Variants in ST3GAL5 observed in about 807,000 individuals in gnomAD.
The protein encoded by ST3GAL5 is lactosylceramide alpha-2,3-sialyltransferase.
Under a neutral mutation model 46.1 loss-of-function variants are expected in ST3GAL5, and 25 were observed. The observed-to-expected ratio is 0.54, with a 90% confidence interval of 0.40 to 0.76. The LOEUF is 0.76. Ranked by LOEUF, ST3GAL5 falls within the 30% of genes least tolerant of loss-of-function variation. The pLI is 0.00. For synonymous variants in ST3GAL5, 182 were observed against 192.7 expected, an observed-to-expected ratio of 0.94 and a Z score of 0.46; for missense variants, 431 against 521.2, an observed-to-expected ratio of 0.83 and a Z score of 1.69.
chr2:85,887,082 T>TC (rs1376742165), intron 1 of ST3GAL5, among the ~76,000 whole-genome samples: 3 of 152,118 alleles, frequency 2.0e-5, no homozygotes. Context: ...TGGAATGGAC[T>TC]CCCACAGAGG....
At chr2:85,840,683 C>T (rs1405778884) in intron 6 of ST3GAL5, among the ~76,000 whole-genome samples, 3 of 152,066 alleles carry the variant, frequency 2.0e-5, no homozygotes, top group African/African-American at 7.2e-5. Context: ...CGGTGGCTCA[C>T]GCCTGTAATC....
chr2:85,882,816 C>A (rs547975174), intron 1 of ST3GAL5, among the ~76,000 whole-genome samples: 1 of 73,546 alleles, frequency 1.4e-5, no homozygotes. Flanking sequence ...GCCTGTGCAA[C>A]GGAGAGAGAC....
Position 85,840,292 on chromosome 2 carries a change from G to T in ST3GAL5, c.1109C>A (p.Thr370Lys). 6.2e-7 allele frequency: 1 copy of T among 1,614,126 alleles called. No individual in the cohort carries two copies. Residue 370 changes from threonine to lysine, a missense_variant, in exon 7 of 7, where the codon ACA (threonine) becomes AAA (lysine). Thr to Lys is a moderately conservative substitution (Grantham distance 78, BLOSUM62 -1). Coordinates refer to ENST00000638572, the MANE Select transcript of ST3GAL5 (RefSeq NM_003896.4). Reference sequence around the variant, plus strand: ...TTGACTGTCGAAGTAGTGCAAAGGTGTTCTGGGTTGATTGAGGTCATATCC... The same window carrying T: ...TTGACTGTCGAAGTAGTGCAAAGGTTTTCTGGGTTGATTGAGGTCATATCC... Reference protein sequence around the residue: ...GFGYDLNQPRTPLHYFDSQCM... With the variant: ...GFGYDLNQPRKPLHYFDSQCM...
rs1045098339 is a variant in ST3GAL5 at position 85,838,610 on chromosome 2, T to C, written c.*1534A>G. 6.6e-6 allele frequency: 1 copy of C among 152,142 alleles called. No homozygotes were observed. Among genetic ancestry groups the C allele is most frequent in the East Asian group, 1.9e-4 (1 of 5,178 alleles). The allele number at this position is 152,142 out of a possible 1,614,324, so 9.4% of individuals were successfully genotyped here. Reference sequence around the variant, plus strand: ...AAAACGAGAGAAATATGACTTTTGCTCTCCTGGCCACTCTGAGCTGGATCC... The same window carrying C: ...AAAACGAGAGAAATATGACTTTTGCCCTCCTGGCCACTCTGAGCTGGATCC... On this transcript the variant is annotated 3_prime_UTR_variant, in exon 7 of 7. Coordinates refer to ENST00000638572, the MANE Select transcript of ST3GAL5 (RefSeq NM_003896.4).
chr2:85,873,632 A>G (rs1426815476), intron 1 of ST3GAL5, among the ~76,000 whole-genome samples: 2 of 152,092 alleles, frequency 1.3e-5, no homozygotes, highest in African/African-American at 4.8e-5. Context: ...GAGGCCATGA[A>G]GAGGAGAAAA....
At chr2:85,866,459 G>A (rs1014342353) in intron 1 of ST3GAL5, among the ~76,000 whole-genome samples, 1 of 152,188 alleles carries the variant, frequency 6.6e-6, no homozygotes. Context: ...TCTGCCTACT[G>A]GTTCCCAGCT....
chr2:85,851,632 C>T (rs1486249604), intron 3 of ST3GAL5: 1 of 1,289,444 alleles, frequency 7.8e-7, no homozygotes. Flanking sequence ...TGCTCTCTTC[C>T]CCCTCCACTG....
At position 85,851,644 on chromosome 2, in the gene ST3GAL5, T is replaced by C. The variant is rs746152849; in HGVS notation, c.319-3440A>G. 7.0e-6 allele frequency: 9 copies of C among 1,289,454 alleles called. 1 individual carries two copies. The South Asian group carries it at 1.1e-4, about 16-fold the overall frequency. 79.9% of individuals were successfully genotyped at this position (1,289,454 alleles called of 1,614,324 possible). ...AGCTGCTCTCTTCCCCCTCCACTGCTTGCCCATAGCTCACAGCTCAGAAGA... is the reference window on the plus strand; with the variant it reads ...AGCTGCTCTCTTCCCCCTCCACTGCCTGCCCATAGCTCACAGCTCAGAAGA... On this transcript the variant is annotated intron_variant, in intron 3 of 6. Coordinates refer to ENST00000638572, the MANE Select transcript of ST3GAL5 (RefSeq NM_003896.4).
At chr2:85,848,457 C>T (rs1683091545) in intron 3 of ST3GAL5, 11 of 1,424,876 alleles carry the variant, frequency 7.7e-6, no homozygotes, top group Non-Finnish European at 8.6e-6. Flanking sequence ...AAGAAGGACT[C>T]CCGCCTCCCA....
At chr2:85,886,210 T>A (rs1687742430) in intron 1 of ST3GAL5, among the ~76,000 whole-genome samples, 1 of 152,200 alleles carries the variant, frequency 6.6e-6, no homozygotes, top group Non-Finnish European at 1.5e-5. Context: ...GGGAGAATAG[T>A]TTGAGGCTAG....
intron 3 of ST3GAL5, among the ~76,000 whole-genome samples, chr2:85,860,279 C>G (rs1033592766): frequency 1.8e-4 from 28 of 152,198 alleles, no homozygotes; most frequent in Admixed American, 5.2e-4. Flanking sequence ...AAGCCATCAT[C>G]TGTAAGATGG....
intron 1 of ST3GAL5, among the ~76,000 whole-genome samples, chr2:85,874,455 C>T (rs1018840362): frequency 6.6e-6 from 1 of 152,120 alleles, no homozygotes; most frequent in African/African-American, 2.4e-5. Context: ...ACCAAGGGGG[C>T]CTCGTGCTCG....
intron 6 of ST3GAL5, among the ~76,000 whole-genome samples, chr2:85,841,327 T>C (rs548748462): frequency 2.0e-5 from 3 of 150,302 alleles, no homozygotes; most frequent in Admixed American, 1.3e-4. Context: ...TTTGGGCAAG[T>C]AAATTTTGTT....
Position 85,840,205 on chromosome 2 carries a change from A to T in ST3GAL5, c.1196T>A (p.Leu399Ter), listed in dbSNP as rs1461062498. 3.1e-6 allele frequency: 5 copies of T among 1,614,144 alleles called. No individual in the cohort carries two copies. The highest frequency in any genetic ancestry group is 4.2e-6 in the Non-Finnish European group (5 of 1,180,018). ...HNVTTETKFLLKLVKEGVVKD... is the reference protein window; with the variant it reads ...HNVTTETKFL ...CACCACTCCCTCTTTGACCAGCTTT[A>T]AGAGGAACTTGGTTTCCGTTGTCAC... Residue 399 changes from leucine to a stop codon, truncating the protein, a stop_gained, in exon 7 of 7, where the codon TTA (leucine) becomes TAA (stop). Coordinates refer to ENST00000638572, the MANE Select transcript of ST3GAL5 (RefSeq NM_003896.4). LOFTEE classifies it high-confidence loss of function.
At chr2:85,880,511 C>T (rs149727794) in intron 1 of ST3GAL5, among the ~76,000 whole-genome samples, 141 of 152,224 alleles carry the variant, frequency 9.3e-4, no homozygotes, top group African/African-American at 3.2e-3. Context: ...AAGAAACACA[C>T]GCACTGTCCC....
chr2:85,857,202 G>C (rs566561250), intron 3 of ST3GAL5, among the ~76,000 whole-genome samples: 7 of 151,642 alleles, frequency 4.6e-5, no homozygotes, highest in Admixed American at 3.9e-4. Context: ...CAATGATCGG[G>C]CCACTGCACT....
chr2:85,857,209 C>A (rs1035610054), intron 3 of ST3GAL5, among the ~76,000 whole-genome samples: 3 of 151,556 alleles, frequency 2.0e-5, no homozygotes, highest in Non-Finnish European at 4.4e-5. Context: ...CGGGCCACTG[C>A]ACTTCAGCCT....
In ST3GAL5 at chr2:85,839,999, T is replaced by C; in HGVS notation, c.*145A>G. On this transcript the variant is annotated 3_prime_UTR_variant, in exon 7 of 7. Transcript: ENST00000638572. ...ATAGGAAAAAAAAAGTGGGAAGAGCTAAAATTTTTTTTGTGTTTTTAAATT... is the reference window on the plus strand; with the variant it reads ...ATAGGAAAAAAAAAGTGGGAAGAGCCAAAATTTTTTTTGTGTTTTTAAATT... 2 of 1,305,204 alleles carry C rather than the reference T, an allele frequency of 1.5e-6. No homozygotes were observed. Among genetic ancestry groups the C allele is most frequent in the Non-Finnish European group, 2.1e-6 (2 of 953,132 alleles). The allele number at this position is 1,305,204 out of a possible 1,614,324, so 80.9% of individuals were successfully genotyped here. A position where few individuals can be genotyped will look rare whatever the true frequency, so the allele number is the denominator to read the frequency against.
chr2:85,864,278 T>C (rs1685045240), intron 1 of ST3GAL5, among the ~76,000 whole-genome samples: 3 of 152,168 alleles, frequency 2.0e-5, no homozygotes, highest in African/African-American at 7.2e-5. Context: ...CAACCGCATG[T>C]GAATACAATT....
Sources: gnomAD v4.1 joint callset for allele counts (sites outside exome capture counted in the v4.1 genomes callset) on GRCh38, gnomAD v4.1.1 for gene constraint, MANE v1.5 for transcripts, NCBI Gene and HGNC (gene_info 2026-07-23, HGNC 2026-07-21) for gene names.